Variants in NRP1 observed in about 807,000 individuals in gnomAD.
NRP1 encodes neuropilin-1.
Under a neutral mutation model 106.7 loss-of-function variants are expected in NRP1, and 35 were observed. That is an observed-to-expected ratio of 0.33 (90% CI 0.25 to 0.43). The LOEUF is 0.43. NRP1 is among the 20% of genes least tolerant of loss of function. NRP1 has a pLI of 1.00. For synonymous variants in NRP1, 437 were observed against 417.9 expected, an observed-to-expected ratio of 1.05 and a Z score of -0.56; for missense variants, 1,024 against 1,170.4, an observed-to-expected ratio of 0.87 and a Z score of 1.83.
Position 33,334,308 on chromosome 10 carries a change from A to G in NRP1, c.73+2T>C, listed in dbSNP as rs1252328946. 2 of 1,541,380 alleles carry G rather than the reference A, an allele frequency of 1.3e-6. No individual in the cohort carries two copies. The highest frequency in any genetic ancestry group is 2.4e-5 in the South Asian group (2 of 83,884). On this transcript the variant is annotated splice_donor_variant, in intron 1 of 16. Coordinates refer to ENST00000374867, the MANE Select transcript of NRP1 (RefSeq NM_003873.7). LOFTEE classifies it high-confidence loss of function. ...TCACCCGCGCCTCTGCCTGTCACTT[A>G]CCGTTGCGAAAAGCGCCGGCCGGGG...
chr10:33,213,759 G>A (rs187094641), intron 8 of NRP1, 42 bp from the exon 9 acceptor site: 2 of 1,418,914 alleles, frequency 1.4e-6, no homozygotes, highest in African/African-American at 2.9e-5. Context: ...ATGATTTCCT[G>A]GGCGACTCCA....
At chr10:33,314,058 TCCTC>T (rs140495312) in intron 2 of NRP1, among the ~76,000 whole-genome samples, 20,264 of 128,340 alleles carry the variant, frequency 0.16, 1,722 homozygotes, top group African/African-American at 0.19. Flanking sequence ...TTCTTTCTAT[TCCTC>T]CCTCCCTCCC....
chr10:33,254,806 C>T (rs1385684159), intron 5 of NRP1, among the ~76,000 whole-genome samples: 2 of 152,172 alleles, frequency 1.3e-5, no homozygotes, highest in Non-Finnish European at 2.9e-5. Flanking sequence ...CACTGTCACA[C>T]GGCCCCAAAG....
chr10:33,205,699 T>C (rs1588718542), intron 10 of NRP1: 2 of 154,538 alleles, frequency 1.3e-5, no homozygotes, highest in East Asian at 3.8e-4. Flanking sequence ...AGCTGATCCA[T>C]CAAGTACAGG....
chr10:33,321,243 CG>C (rs1237082535), intron 2 of NRP1, among the ~76,000 whole-genome samples: 11 of 152,152 alleles, frequency 7.2e-5, no homozygotes, highest in Non-Finnish European at 1.5e-4. Context: ...GCCTTGGCCT[CG>C]CAAAATGCTG....
intron 8 of NRP1, among the ~76,000 whole-genome samples, chr10:33,217,952 G>A (rs16934209): frequency 0.019 from 2,914 of 152,310 alleles, 115 homozygotes; most frequent in African/African-American, 0.067. Flanking sequence ...GAATGAGAAA[G>A]TAATAACTGC....
At chr10:33,276,837 C>T (rs769116303) in intron 2 of NRP1, among the ~76,000 whole-genome samples, 2 of 152,090 alleles carry the variant, frequency 1.3e-5, no homozygotes, top group Non-Finnish European at 1.5e-5. Context: ...ATTGAAAGGA[C>T]TACAAGAAAT....
At chr10:33,303,645 G>C (rs1414614852) in intron 2 of NRP1, among the ~76,000 whole-genome samples, 1 of 152,182 alleles carries the variant, frequency 6.6e-6, no homozygotes, top group Non-Finnish European at 1.5e-5. Flanking sequence ...TCAGTGTCTC[G>C]AAGTCAGAGG....
At chr10:33,323,601 G>A (rs1847682296) in intron 2 of NRP1, among the ~76,000 whole-genome samples, 1 of 152,036 alleles carries the variant, frequency 6.6e-6, no homozygotes, top group African/African-American at 2.4e-5. Context: ...GAGAAGAGCA[G>A]GAGAACCCTC....
chr10:33,256,516 T>C, intron 4 of NRP1, 45 bp from the exon 5 acceptor site: 1 of 1,595,582 alleles, frequency 6.3e-7, no homozygotes. Context: ...TCTTTTCTCC[T>C]GCAGCAGATG....
chr10:33,184,708 C>G (rs1835894448), intron 15 of NRP1, among the ~76,000 whole-genome samples: 1 of 152,160 alleles, frequency 6.6e-6, no homozygotes, highest in African/African-American at 2.4e-5. Context: ...ATTCATTGCT[C>G]CTTTCTTTTT....
At chr10:33,191,794 T>C (rs779857747) in intron 13 of NRP1, among the ~76,000 whole-genome samples, 1 of 151,788 alleles carries the variant, frequency 6.6e-6, no homozygotes, top group Non-Finnish European at 1.5e-5. Flanking sequence ...CCGGCCAATG[T>C]GGTGAAATCC....
intron 2 of NRP1, among the ~76,000 whole-genome samples, chr10:33,307,511 CAT>C (rs1470883434): frequency 6.6e-6 from 1 of 152,008 alleles, no homozygotes; most frequent in Non-Finnish European, 1.5e-5. Context: ...TCTTTGAAAA[CAT>C]AGATATAGTT....
chr10:33,202,411 T>G, intron 11 of NRP1: 1 of 454,970 alleles, frequency 2.2e-6, no homozygotes, highest in Non-Finnish European at 3.8e-6. Flanking sequence ...TGTACAATGA[T>G]TTACCAAATC....
At chr10:33,281,763 T>C (rs1246070201) in intron 2 of NRP1, among the ~76,000 whole-genome samples, 4 of 152,176 alleles carry the variant, frequency 2.6e-5, no homozygotes, top group African/African-American at 9.7e-5. Context: ...AAATCATACA[T>C]GTCATGACGC....
chr10:33,182,664 A>T (rs890531826), intron 16 of NRP1, 34 bp downstream of exon 16: 1 of 1,517,828 alleles, frequency 6.6e-7, no homozygotes, highest in Non-Finnish European at 9.1e-7. Context: ...CCATAGTAAA[A>T]TTTTTTAAAA....
rs1847991480 is a variant in NRP1 at position 33,327,746 on chromosome 10, G to T, written c.248+2962C>A. ...TCAAAGCCTTCACAAAAGGAGGTAAGTATTTTGCCACATTTGTAGAATCTC... is the reference window on the plus strand; with the variant it reads ...TCAAAGCCTTCACAAAAGGAGGTAATTATTTTGCCACATTTGTAGAATCTC... On this transcript the variant is annotated intron_variant, in intron 2 of 16. Coordinates refer to ENST00000374867, the MANE Select transcript of NRP1 (RefSeq NM_003873.7). 3.3e-5 allele frequency among the ~76,000 whole-genome samples: 5 copies of T among 152,106 alleles called. 1 individual carries two copies. The highest frequency in any genetic ancestry group is 1.2e-4 in the African/African-American group (5 of 41,504).
intron 7 of NRP1, among the ~76,000 whole-genome samples, 199 bp downstream of exon 7, chr10:33,225,935 C>A (rs1839628577): frequency 6.6e-6 from 1 of 152,154 alleles, no homozygotes; most frequent in South Asian, 2.1e-4. Context: ...TTTTTGGAAA[C>A]ATTCACATAA....
chr10:33,183,630 C>A (rs1220950759), intron 15 of NRP1, among the ~76,000 whole-genome samples: 1 of 152,162 alleles, frequency 6.6e-6, no homozygotes, highest in Non-Finnish European at 1.5e-5. Context: ...AAGTACAGAG[C>A]AGGAATTTTT....
Sources: gnomAD v4.1 joint callset for allele counts (sites outside exome capture counted in the v4.1 genomes callset) on GRCh38, gnomAD v4.1.1 for gene constraint, MANE v1.5 for transcripts, NCBI Gene and HGNC (gene_info 2026-07-23, HGNC 2026-07-21) for gene names.